Variants in NTRK3 observed in about 807,000 individuals in gnomAD.
The protein encoded by NTRK3 is neurotrophic receptor tyrosine kinase 3.
Under a neutral mutation model 91.7 loss-of-function variants are expected in NTRK3, and 24 were observed. The observed-to-expected ratio is 0.26, with a 90% CI of 0.19 to 0.37. The LOEUF (loss-of-function observed/expected upper bound fraction) is 0.37. Ranked by LOEUF, NTRK3 falls within the 10% of genes least tolerant of loss-of-function variation. NTRK3 has a pLI of 1.00. For synonymous variants in NTRK3, 483 were observed against 404.0 expected, an observed-to-expected ratio of 1.20 and a Z score of -2.34; for missense variants, 880 against 1,068.9, an observed-to-expected ratio of 0.82 and a Z score of 2.46.
At chr15:87,948,150 C>T (rs538588078) in intron 14 of NTRK3, among the ~76,000 whole-genome samples, 2 of 152,332 alleles carry the variant, frequency 1.3e-5, no homozygotes, top group Admixed American at 6.5e-5. Context: ...TGGCCAGCTA[C>T]AGGCCCTTTG....
At chr15:87,864,174 G>A (rs1258092182) in exon 19 of NTRK3, 1 of 232,584 alleles carries the variant, frequency 4.3e-6, no homozygotes, top group African/African-American at 2.2e-5. Context: ...ATTTTAATTT[G>A]ACAGTTCCTC....
intron 6 of NTRK3, among the ~76,000 whole-genome samples, chr15:88,145,439 C>G (rs2042799617): frequency 6.6e-6 from 1 of 152,176 alleles, no homozygotes; most frequent in African/African-American, 2.4e-5. Context: ...CACACTGACT[C>G]ACACTGGAGG....
intron 17 of NTRK3, among the ~76,000 whole-genome samples, chr15:87,884,822 C>A (rs2141506449): frequency 6.6e-6 from 1 of 151,862 alleles, no homozygotes; most frequent in Non-Finnish European, 1.5e-5. Flanking sequence ...AGGTAACTTC[C>A]TTTATTAAAT....
intron 14 of NTRK3, among the ~76,000 whole-genome samples, chr15:88,026,651 A>G (rs569546507): frequency 6.6e-6 from 1 of 152,220 alleles, no homozygotes; most frequent in Non-Finnish European, 1.5e-5. Flanking sequence ...ATAAAAATGT[A>G]TCAATAGTGG....
rs1378356046 is a variant in NTRK3 at position 87,876,164 on chromosome 15, A to G, written c.*771T>C. The stretch of plus-strand genomic sequence containing the variant: ...AGAAAGACACATCCTTTGCAACTCC[A>G]GCAAGAAGCTTACACCCAGGATGGA... On this transcript the variant is annotated 3_prime_UTR_variant, in exon 19 of 19. Coordinates refer to ENST00000394480, the Ensembl canonical transcript of NTRK3. The G allele has an allele frequency of 3.0e-5, 7 of 233,242 alleles. No homozygotes were observed. The East Asian group carries it at 4.2e-4, about 14-fold the overall frequency. The allele number at this position is 233,242 out of a possible 1,614,324, so 14.4% of individuals were successfully genotyped here.
chr15:87,869,558 T>C (rs1054994154), exon 19 of NTRK3: 2 of 216,280 alleles, frequency 9.2e-6, no homozygotes, highest in African/African-American at 2.3e-5. Flanking sequence ...TCCAAACTGT[T>C]TGTGGCTCTG....
At chr15:88,226,159 G>T (rs1271062981) in intron 3 of NTRK3, among the ~76,000 whole-genome samples, 1 of 152,160 alleles carries the variant, frequency 6.6e-6, no homozygotes, top group African/African-American at 2.4e-5. Context: ...CAGGGAGTGA[G>T]CCAGACCGTC....
At chr15:88,012,870 GT>G (rs1288145592) in intron 14 of NTRK3, among the ~76,000 whole-genome samples, 1 of 152,228 alleles carries the variant, frequency 6.6e-6, no homozygotes, top group South Asian at 2.1e-4. Context: ...TTCGGATTCA[GT>G]GGGTCTGAAG....
intron 3 of NTRK3, among the ~76,000 whole-genome samples, chr15:88,199,820 G>C (rs2048147821): frequency 6.6e-6 from 1 of 152,216 alleles, no homozygotes; most frequent in African/African-American, 2.4e-5. Context: ...TTTACTCAAA[G>C]ATCCCAGGGG....
In NTRK3 at chr15:88,235,611, G is replaced by T. The variant is rs955980207; in HGVS notation, c.248+20295C>A. Among the ~76,000 whole-genome samples, 1 of 152,182 alleles carries T rather than the reference G, an allele frequency of 6.6e-6. No individual in the cohort carries two copies. The highest frequency in any genetic ancestry group is 1.5e-5 in the Non-Finnish European group (1 of 68,042). On this transcript the variant is annotated intron_variant, in intron 3 of 18. Coordinates refer to ENST00000394480, the Ensembl canonical transcript of NTRK3. The surrounding 1 kb of genome is among the most constrained non-coding windows in gnomAD (Gnocchi z 5.2). ...TGGAGAACCCCAAGGAAACGACCCA[G>T]CCCTGCTAAAGAGCACCAAATGCCC...
chr15:88,102,611 CATGTACCCCATAAGT>C (rs1555504023), intron 13 of NTRK3, among the ~76,000 whole-genome samples: 1 of 152,126 alleles, frequency 6.6e-6, no homozygotes, highest in Non-Finnish European at 1.5e-5. Flanking sequence ...CAAAATTTCA[CATGTACCCCATAAGT>C]ATGTACAACT....
chr15:88,053,887 T>C (rs1363994093), intron 13 of NTRK3, among the ~76,000 whole-genome samples: 1 of 152,206 alleles, frequency 6.6e-6, no homozygotes, highest in African/African-American at 2.4e-5. Context: ...CTTTGGCAAT[T>C]TGCCTCAAGT....
At chr15:87,944,083 T>A (rs910093324) in intron 14 of NTRK3, among the ~76,000 whole-genome samples, 1 of 152,152 alleles carries the variant, frequency 6.6e-6, no homozygotes, top group Non-Finnish European at 1.5e-5. Context: ...TCCTTAGCCC[T>A]GGGTAGGGTG....
intron 14 of NTRK3, among the ~76,000 whole-genome samples, chr15:87,989,149 C>G (rs1451867150): frequency 1.3e-5 from 2 of 152,194 alleles, no homozygotes; most frequent in Non-Finnish European, 2.9e-5. Flanking sequence ...CATCCCATTA[C>G]TGGGTATATA....
At chr15:87,989,920 T>C (rs1477631263) in intron 14 of NTRK3, among the ~76,000 whole-genome samples, 3 of 152,196 alleles carry the variant, frequency 2.0e-5, no homozygotes, top group Non-Finnish European at 2.9e-5. Context: ...TTTCAAGATT[T>C]TTCACTTTAA....
At chr15:88,088,326 T>C (rs924769843) in intron 13 of NTRK3, among the ~76,000 whole-genome samples, 4 of 152,174 alleles carry the variant, frequency 2.6e-5, no homozygotes, top group African/African-American at 7.2e-5. Context: ...GCTATGAGTA[T>C]TAGAATAATG....
At chr15:88,030,818 A>T (rs1010285967) in intron 14 of NTRK3, among the ~76,000 whole-genome samples, 1 of 152,046 alleles carries the variant, frequency 6.6e-6, no homozygotes, top group Non-Finnish European at 1.5e-5. Flanking sequence ...GTCATCTGTC[A>T]TATTTATCAT....
chr15:88,219,476 T>C (rs1371683240), intron 3 of NTRK3, among the ~76,000 whole-genome samples: 3 of 152,244 alleles, frequency 2.0e-5, no homozygotes, highest in African/African-American at 7.2e-5. Context: ...CCTCCTGGCC[T>C]CAATGCCTAT....
At chr15:87,919,452 C>T (rs910309839) in intron 17 of NTRK3, among the ~76,000 whole-genome samples, 5 of 152,150 alleles carry the variant, frequency 3.3e-5, no homozygotes, top group Admixed American at 6.5e-5. Flanking sequence ...TCCAGATTGC[C>T]GGAGTGTCCC....
Sources: gnomAD v4.1 joint callset for allele counts (sites outside exome capture counted in the v4.1 genomes callset) on GRCh38, gnomAD v4.1.1 for gene constraint, Gnocchi (gnomAD v3.1) non-coding constraint, MANE v1.5 for transcripts, NCBI Gene and HGNC (gene_info 2026-07-23, HGNC 2026-07-21) for gene names.